DLGAP2: variants seen among roughly 807,000 people sequenced by gnomAD.
The protein encoded by DLGAP2 is DLG associated protein 2.
DLGAP2 carries 26 observed loss-of-function variants against 100.3 expected under a neutral mutation model. The observed-to-expected ratio is 0.26, with a 90% confidence interval of 0.19 to 0.36. The LOEUF is 0.36. Ranked by LOEUF, DLGAP2 falls within the 10% of genes least tolerant of loss-of-function variation. The probability of loss-of-function intolerance (pLI) is 1.00; values close to 1 mark genes in which losing one functional copy is unlikely to be tolerated. For synonymous variants in DLGAP2, 886 were observed against 630.1 expected (o/e 1.41, Z -6.08); for missense variants, 1,858 against 1,453.2 (o/e 1.28, Z -4.53).
intron 2 of DLGAP2, among the ~76,000 whole-genome samples, chr8:1,009,515 A>G (rs926541797): frequency 6.6e-6 from 1 of 152,222 alleles, no homozygotes; most frequent in Non-Finnish European, 1.5e-5. Flanking sequence ...TGAAATTTCT[A>G]AATTCAAATG....
intron 2 of DLGAP2, among the ~76,000 whole-genome samples, chr8:1,009,889 T>C (rs1007814280): frequency 6.6e-6 from 1 of 152,168 alleles, no homozygotes; most frequent in African/African-American, 2.4e-5. Context: ...TCATAGGAGA[T>C]TGTGTTTGGA....
At chr8:1,588,394 C>T (rs1327898591) in intron 6 of DLGAP2, among the ~76,000 whole-genome samples, 1 of 152,138 alleles carries the variant, frequency 6.6e-6, no homozygotes, top group Non-Finnish European at 1.5e-5. Context: ...AACCTTGAAG[C>T]AGCAGCGAGT....
chr8:1,150,827 A>G (rs1239635674), intron 2 of DLGAP2, among the ~76,000 whole-genome samples: 1 of 152,246 alleles, frequency 6.6e-6, no homozygotes, highest in Non-Finnish European at 1.5e-5. Flanking sequence ...GAAAAACTAA[A>G]TATCATTATT....
intron 1 of DLGAP2, among the ~76,000 whole-genome samples, chr8:754,908 A>G (rs1445500095): frequency 6.6e-6 from 1 of 152,230 alleles, no homozygotes; most frequent in Non-Finnish European, 1.5e-5. Flanking sequence ...ACATATTTTT[A>G]GTCCATCTGG....
chr8:1,531,841 C>G (rs1800999103), intron 4 of DLGAP2, among the ~76,000 whole-genome samples: 1 of 152,156 alleles, frequency 6.6e-6, no homozygotes, highest in African/African-American at 2.4e-5. Context: ...ACATTTGAGA[C>G]AGGTCTCAGT....
intron 2 of DLGAP2, among the ~76,000 whole-genome samples, chr8:1,198,676 T>C (rs1204154720): frequency 1.3e-5 from 2 of 152,178 alleles, no homozygotes; most frequent in Non-Finnish European, 2.9e-5. Context: ...CTCCACCCCA[T>C]GTCCATGGGT....
chr8:875,877 T>G (rs1417756033), intron 1 of DLGAP2, among the ~76,000 whole-genome samples: 14 of 152,222 alleles, frequency 9.2e-5, no homozygotes, highest in Non-Finnish European at 4.4e-5. Flanking sequence ...GCTGGCATAA[T>G]TCTAGTAATA....
In DLGAP2 at chr8:1,001,800, A is replaced by C. The variant is rs1028179137; in HGVS notation, c.73+93834A>C. On this transcript the variant is annotated intron_variant, in intron 2 of 14. Coordinates refer to ENST00000637795, the MANE Select transcript of DLGAP2 (RefSeq NM_001346810.2). The stretch of plus-strand genomic sequence containing the variant: ...CCAAATTTCCATTACAATTTCAAGA[A>C]CAAGGAACAAGGAAGAAATCTTGAC... 2.0e-5 allele frequency among the ~76,000 whole-genome samples: 3 copies of C among 152,278 alleles called. 1 individual carries two copies. The highest frequency in any genetic ancestry group is 3.4e-3 in the Middle Eastern group (1 of 294).
At chr8:1,291,729 C>T (rs1483065345) in intron 3 of DLGAP2, among the ~76,000 whole-genome samples, 1 of 152,106 alleles carries the variant, frequency 6.6e-6, no homozygotes, top group Non-Finnish European at 1.5e-5. Context: ...TTGGGTGTTC[C>T]AGTGTGCTTT....
intron 4 of DLGAP2, among the ~76,000 whole-genome samples, chr8:1,511,325 A>G (rs1377671756): frequency 6.8e-6 from 1 of 147,688 alleles, no homozygotes; most frequent in African/African-American, 2.5e-5. Flanking sequence ...GTGTAGGACA[A>G]TCAGTAGATG....
intron 3 of DLGAP2, among the ~76,000 whole-genome samples, chr8:1,337,442 T>G: frequency 7.1e-6 from 1 of 141,006 alleles, no homozygotes; most frequent in East Asian, 2.2e-4. Flanking sequence ...GTGATGATGA[T>G]GATGGTGATG....
chr8:794,946 G>A (rs1455485952), intron 1 of DLGAP2, among the ~76,000 whole-genome samples: 2 of 152,172 alleles, frequency 1.3e-5, no homozygotes, highest in Admixed American at 6.5e-5. Flanking sequence ...TGTGTTATGC[G>A]TGTGGCTTGT....
Position 841,920 on chromosome 8 carries a change from A to G in DLGAP2, c.19-65992A>G, listed in dbSNP as rs1473819761. On this transcript the variant is annotated intron_variant, in intron 1 of 14. Coordinates refer to ENST00000637795, the MANE Select transcript of DLGAP2 (RefSeq NM_001346810.2). The stretch of plus-strand genomic sequence containing the variant: ...GCACAGGATATAATAGAGTTACAGC[A>G]GTCCATAATTAAACATTTCCTCTAT... 2.0e-5 allele frequency among the ~76,000 whole-genome samples: 3 copies of G among 152,226 alleles called. No individual in the cohort carries two copies. In the East Asian group the frequency reaches 5.8e-4, roughly 29 times the overall value.
In DLGAP2 at chr8:789,410, C is replaced by T. The variant is rs574295981; in HGVS notation, c.18+51585C>T. ...TTTAAACTACCAGCTCTTCTGAGAA[C>T]TCACTCACTATCACAAGAACAGCAA... is the stretch of plus-strand genomic sequence containing the variant. On this transcript the variant is annotated intron_variant, in intron 1 of 14. Coordinates refer to ENST00000637795, the MANE Select transcript of DLGAP2 (RefSeq NM_001346810.2). Among the ~76,000 whole-genome samples the T allele has an allele frequency of 2.6e-5, 4 of 152,254 alleles. No homozygotes were observed. In the East Asian group the frequency reaches 7.7e-4, roughly 29 times the overall value.
rs147108044 is a variant in DLGAP2 at position 1,534,062 on chromosome 8, A to G, written c.173-14564A>G. 4.3e-3 allele frequency among the ~76,000 whole-genome samples: 651 copies of G among 152,340 alleles called. 5 individuals are homozygous for G. The highest frequency in any genetic ancestry group is 0.01 in the Middle Eastern group (3 of 294). On this transcript the variant is annotated intron_variant, in intron 4 of 14. Coordinates refer to ENST00000637795, the MANE Select transcript of DLGAP2 (RefSeq NM_001346810.2). ...AGCATTCTTCTTTTGCTGTATTCTG[A>G]TATATACATTTGGAAATTGTCAGCA...
chr8:767,331 G>A (rs2132600178), intron 1 of DLGAP2, among the ~76,000 whole-genome samples: 1 of 150,256 alleles, frequency 6.7e-6, no homozygotes, highest in African/African-American at 2.4e-5. Flanking sequence ...GGTGTTGCTG[G>A]CTACTGGCTG....
At chr8:775,147 G>T (rs1333658716) in intron 1 of DLGAP2, among the ~76,000 whole-genome samples, 1 of 151,936 alleles carries the variant, frequency 6.6e-6, no homozygotes, top group African/African-American at 2.4e-5. Flanking sequence ...TTGGCTCTGT[G>T]TTTGTCTGTT....
intron 1 of DLGAP2, among the ~76,000 whole-genome samples, chr8:904,141 C>T (rs149587782): frequency 4.6e-5 from 7 of 152,356 alleles, no homozygotes; most frequent in Non-Finnish European, 1.0e-4. Flanking sequence ...AGGCCACTGG[C>T]CACACGTAGC....
intron 2 of DLGAP2, among the ~76,000 whole-genome samples, chr8:977,181 A>C (rs1309785701): frequency 4.6e-5 from 7 of 152,148 alleles, no homozygotes; most frequent in Non-Finnish European, 1.0e-4. Context: ...GAAATGTTGC[A>C]AATGTTTCTG....
Sources: allele counts gnomAD v4.1 joint callset (sites outside exome capture counted in the v4.1 genomes callset), GRCh38; gene constraint gnomAD v4.1.1; transcripts MANE v1.5; gene names NCBI Gene and HGNC (gene_info 2026-07-23, HGNC 2026-07-21).